Variants in KIFC3 observed in about 807,000 individuals in gnomAD.
KIFC3 encodes the protein kinesin-like protein KIFC3.
In KIFC3, 60 loss-of-function variants were observed where a neutral mutation model predicts 101.8. The observed-to-expected ratio is 0.59, with a 90% CI of 0.48 to 0.73. The LOEUF is 0.73. Among genes scored for constraint, KIFC3 ranks in the 30% least tolerant of loss-of-function variants. The pLI, the probability that KIFC3 is intolerant of heterozygous loss-of-function variation, is 0.00. For missense variants in KIFC3, 966 were observed against 1,137.1 expected, an observed-to-expected ratio of 0.85 and a Z score of 2.16; for synonymous variants, 476 against 482.7, an observed-to-expected ratio of 0.99 and a Z score of 0.18.
At chr16:57,812,352 T>TAA (rs71152299) in intron 1 of KIFC3, among the ~76,000 whole-genome samples, 1,586 of 137,562 alleles carry the variant, frequency 0.012, 14 homozygotes, top group African/African-American at 0.03. Context: ...CCCCATCTCT[T>TAA]AAAAAAAAAA....
chr16:57,761,804 A>G (rs2049890157), intron 13 of KIFC3, among the ~76,000 whole-genome samples: 1 of 152,098 alleles, frequency 6.6e-6, no homozygotes, highest in Non-Finnish European at 1.5e-5. Flanking sequence ...AGGTAGGGGC[A>G]AGGATTGCCT....
At chr16:57,771,801 G>T in intron 4 of KIFC3, 115 bp from the exon 5 acceptor site, 1 of 1,285,136 alleles carries the variant, frequency 7.8e-7, no homozygotes, top group Non-Finnish European at 1.1e-6. Context: ...TGTGGAGAAA[G>T]GCAGAGGGAA....
chr16:57,837,938 C>T (rs577161019), intron 1 of KIFC3, among the ~76,000 whole-genome samples: 35 of 152,194 alleles, frequency 2.3e-4, no homozygotes, highest in African/African-American at 7.9e-4. Flanking sequence ...CTTGGCAGAG[C>T]GCAGCCCAGA....
chr16:57,836,851 G>A (rs2055698061), intron 1 of KIFC3, among the ~76,000 whole-genome samples: 1 of 152,046 alleles, frequency 6.6e-6, no homozygotes, highest in South Asian at 2.1e-4. Flanking sequence ...ACCATCATAA[G>A]CTGCTAATTT....
In KIFC3 at chr16:57,802,407, GC is replaced by G. The variant is rs1388184696; in HGVS notation, c.-78del. The G allele has an allele frequency of 2.0e-6, 2 of 983,048 alleles. No individual in the cohort carries two copies. The highest frequency in any genetic ancestry group is 2.4e-6 in the Non-Finnish European group (2 of 829,110). The allele number at this position is 983,048 out of a possible 1,614,324, so 60.9% of individuals were successfully genotyped here. ...GGCAGGATCCAGGCGTCGCCGCAGC[GC>G]CCGGGGCTCGGCCCGGCCCGGCCCG... is the stretch of plus-strand genomic sequence containing the variant. On this transcript the variant is annotated 5_prime_UTR_variant, in exon 1 of 20. Coordinates refer to ENST00000445690, the MANE Select transcript of KIFC3 (RefSeq NM_001130100.2). The surrounding 1 kb of genome is among the most constrained non-coding windows in gnomAD (Gnocchi z 5.0).
intron 3 of KIFC3, among the ~76,000 whole-genome samples, chr16:57,787,991 C>T (rs887934124): frequency 4.6e-5 from 7 of 152,240 alleles, no homozygotes; most frequent in African/African-American, 1.4e-4. Flanking sequence ...ACCAGGCTCT[C>T]GCTTACTGCG....
At chr16:57,775,549 GGAA>G in intron 3 of KIFC3, 5 of 986,348 alleles carry the variant, frequency 5.1e-6, no homozygotes, top group Non-Finnish European at 6.0e-6. Flanking sequence ...GAAAGCGGAT[GGAA>G]GATGGCCTGG....
chr16:57,786,683 A>C (rs1378384385), intron 3 of KIFC3, among the ~76,000 whole-genome samples: 5 of 152,294 alleles, frequency 3.3e-5, no homozygotes, highest in South Asian at 4.1e-4. Flanking sequence ...TTCCCACATT[A>C]GTCCCCAGGA....
chr16:57,859,449 A>C (rs2056247778), intron 1 of KIFC3, among the ~76,000 whole-genome samples: 1 of 152,230 alleles, frequency 6.6e-6, no homozygotes, highest in South Asian at 2.1e-4. Context: ...AAATGGAATG[A>C]ATGACTTTAG....
Position 57,769,924 on chromosome 16 carries a change from G to T in KIFC3, c.971C>A (p.Ala324Asp). 1 of 1,613,432 alleles carries T rather than the reference G, an allele frequency of 6.2e-7. No individual in the cohort carries two copies. Among genetic ancestry groups the T allele is most frequent in the Non-Finnish European group, 8.5e-7 (1 of 1,180,002 alleles). Residue 324 changes from alanine to aspartate, a missense_variant, in exon 8 of 20, where the codon GCC (alanine) becomes GAC (aspartate). Ala to Asp is a moderately radical substitution (Grantham distance 126). This residue lies in a region of KIFC3 where 689 missense variants were observed against 884.6 expected (regional missense o/e 0.78). Transcript: ENST00000445690. This position sits in a 1 kb window ranked among gnomAD's most constrained non-coding sequence, Gnocchi z 4.3. Reference sequence around the variant, plus strand: ...CATCTCCTCCAGCATCTGCCCATGGGCCCGCTCCAGCTCTGACTCGTACAT... The same window carrying T: ...CATCTCCTCCAGCATCTGCCCATGGTCCCGCTCCAGCTCTGACTCGTACAT... ...IAMYESELERAHGQMLEEMQS... is the reference protein window; with the variant it reads ...IAMYESELERDHGQMLEEMQS...
chr16:57,797,107 C>T (rs1374858142), intron 2 of KIFC3, among the ~76,000 whole-genome samples: 1 of 152,252 alleles, frequency 6.6e-6, no homozygotes, highest in African/African-American at 2.4e-5. Context: ...CCAGCTGCCA[C>T]TGACAGCACA....
chr16:57,776,225 T>C (rs2052056664), intron 3 of KIFC3: 1 of 985,476 alleles, frequency 1.0e-6, no homozygotes, highest in South Asian at 4.7e-5. Flanking sequence ...CCAGAGGGTC[T>C]GGGATCCAGA....
intron 11 of KIFC3, among the ~76,000 whole-genome samples, 163 bp downstream of exon 11, chr16:57,765,296 C>G (rs961992985): frequency 6.6e-6 from 1 of 152,110 alleles, no homozygotes; most frequent in Non-Finnish European, 1.5e-5. Context: ...AACTTCCCAC[C>G]CTCTTCTGTC....
At position 57,766,933 on chromosome 16, in the gene KIFC3, T is replaced by G; in HGVS notation, c.1271A>C (p.Lys424Thr). The change falls in exon 10 of 20, where the codon AAG (lysine) becomes ACG (threonine). Residue 424 changes from lysine (K) to threonine (T), a missense_variant. Around this residue, in one of 2 missense-constraint regions of KIFC3, gnomAD observed 689 missense variants for 884.6 expected, o/e 0.78. Transcript: ENST00000445690. ...ACGCAGCTGCAGCTCGCGGCGGTAC[T>G]TGCGCAGCAGCTCCTGGTTGTTGCT... ...VNSNNQELLR[K>T]YRRELQLRKK... 6.2e-7 allele frequency: 1 copy of G among 1,613,080 alleles called. No individual in the cohort carries two copies. Among genetic ancestry groups the G allele is most frequent in the South Asian group, 1.1e-5 (1 of 91,084 alleles).
intron 12 of KIFC3, among the ~76,000 whole-genome samples, chr16:57,762,708 G>A (rs2050010383): frequency 6.6e-6 from 1 of 152,166 alleles, no homozygotes; most frequent in East Asian, 1.9e-4. Context: ...GCGGGCCAGT[G>A]TCCTGGGGAA....
chr16:57,774,623 A>T (rs1488379502), intron 3 of KIFC3: 1 of 238,916 alleles, frequency 4.2e-6, no homozygotes, highest in Non-Finnish European at 8.0e-6. Flanking sequence ...CCTGGACTCA[A>T]GCCATCCTCC....
rs2054508482 is a variant in KIFC3, at chr16:57,798,356, A to G, written c.-39-74T>C. The G allele has an allele frequency of 2.9e-5, 39 of 1,355,396 alleles. No homozygotes were observed. In the East Asian group the frequency reaches 9.7e-4, roughly 34 times the overall value. 84.0% of individuals were successfully genotyped at this position (1,355,396 alleles called of 1,614,324 possible). ...AACTGCACCTCGGGCAGAGCCAGCC[A>G]TCTGGAAGGGTCTACGCCCCACCGG... On this transcript the variant is annotated intron_variant, in intron 1 of 19. Transcript: ENST00000445690.
At chr16:57,846,983 G>A (rs377652603) in intron 1 of KIFC3, among the ~76,000 whole-genome samples, 1 of 152,034 alleles carries the variant, frequency 6.6e-6, no homozygotes, top group Non-Finnish European at 1.5e-5. Context: ...CCAGGATTTC[G>A]AGACCAGCCT....
intron 1 of KIFC3, among the ~76,000 whole-genome samples, chr16:57,841,936 T>C (rs2055822506): frequency 1.3e-5 from 2 of 148,794 alleles, no homozygotes; most frequent in African/African-American, 4.9e-5. Context: ...GTGGCTCCTG[T>C]CTTTCTACTC....
Sources: allele counts gnomAD v4.1 joint callset (sites outside exome capture counted in the v4.1 genomes callset), GRCh38; gene constraint gnomAD v4.1.1; regional missense constraint gnomAD v4.1.1; non-coding constraint Gnocchi (gnomAD v3.1); transcripts MANE v1.5; gene names NCBI Gene and HGNC (gene_info 2026-07-23, HGNC 2026-07-21).